MYO1D: variants seen among roughly 807,000 people sequenced by gnomAD.
MYO1D encodes myosin ID.
Under a neutral mutation model 122.0 loss-of-function variants are expected in MYO1D, and 83 were observed. The ratio of observed to expected loss-of-function variants is 0.68; its 90% CI spans 0.57 to 0.82. The LOEUF (loss-of-function observed/expected upper bound fraction) is 0.82, where lower values mean the gene tolerates loss of function less well. Among genes scored for constraint, MYO1D ranks in the 40% least tolerant of loss-of-function variants. The probability of loss-of-function intolerance (pLI) is 0.00; values close to 1 mark genes in which losing one functional copy is unlikely to be tolerated. For synonymous variants in MYO1D, 464 were observed against 446.9 expected, an observed-to-expected ratio of 1.04 and a Z score of -0.48; for missense variants, 1,157 against 1,269.5, an observed-to-expected ratio of 0.91 and a Z score of 1.35.
chr17:32,600,851 C>A (rs1441938007), intron 21 of MYO1D, among the ~76,000 whole-genome samples: 2 of 152,164 alleles, frequency 1.3e-5, no homozygotes, highest in African/African-American at 2.4e-5. Flanking sequence ...CCTTTGCATT[C>A]ACAACTGGGC....
intron 21 of MYO1D, among the ~76,000 whole-genome samples, chr17:32,597,976 GA>G (rs757577361): frequency 3.9e-5 from 6 of 151,918 alleles, no homozygotes; most frequent in African/African-American, 4.8e-5. Context: ...CTCTTATTTG[GA>G]AATGGTTTTA....
chr17:32,679,141 T>C (rs1300538300), intron 16 of MYO1D, among the ~76,000 whole-genome samples: 3 of 152,134 alleles, frequency 2.0e-5, no homozygotes, highest in Non-Finnish European at 4.4e-5. Context: ...TTGAGTTCAA[T>C]GTAGATTCTG....
At chr17:32,697,545 G>A (rs1449977685) in intron 16 of MYO1D, among the ~76,000 whole-genome samples, 24 of 151,688 alleles carry the variant, frequency 1.6e-4, no homozygotes, top group Admixed American at 1.2e-3. Context: ...TTTCTTGGTC[G>A]CTTTGTAAAT....
chr17:32,710,328 G>A (rs1390628195), intron 16 of MYO1D, among the ~76,000 whole-genome samples: 1 of 152,140 alleles, frequency 6.6e-6, no homozygotes, highest in Non-Finnish European at 1.5e-5. Context: ...AAGTGGCACT[G>A]CAAATCAATG....
intron 21 of MYO1D, among the ~76,000 whole-genome samples, chr17:32,579,150 C>A (rs904761238): frequency 6.6e-6 from 1 of 152,264 alleles, no homozygotes; most frequent in Non-Finnish European, 1.5e-5. Flanking sequence ...CTCACTACAG[C>A]CTCAGCCTCC....
At chr17:32,788,948 C>T (rs975211269) in intron 1 of MYO1D, among the ~76,000 whole-genome samples, 3 of 152,076 alleles carry the variant, frequency 2.0e-5, no homozygotes, top group African/African-American at 7.2e-5. Context: ...TTGTAGTTTT[C>T]CTTGCAATCT....
intron 1 of MYO1D, among the ~76,000 whole-genome samples, chr17:32,824,066 C>CAAAAAAAAA (rs58786179): frequency 1.1e-5 from 1 of 92,528 alleles, no homozygotes; most frequent in African/African-American, 4.3e-5. Flanking sequence ...GACTCCGTCT[C>CAAAAAAAAA]AAAAAAAAAA....
chr17:32,794,968 C>G (rs1051961672), intron 1 of MYO1D, among the ~76,000 whole-genome samples: 2 of 152,032 alleles, frequency 1.3e-5, no homozygotes, highest in Admixed American at 1.3e-4. Flanking sequence ...AGTAGAGAGA[C>G]AGAGAAGTAG....
intron 17 of MYO1D, chr17:32,658,872 T>C: frequency 2.0e-6 from 1 of 509,132 alleles, no homozygotes; most frequent in Non-Finnish European, 3.5e-6. Flanking sequence ...CTATGGCTTG[T>C]GTCCAGGGGT....
chr17:32,723,645 C>T (rs2089538056), intron 14 of MYO1D, among the ~76,000 whole-genome samples: 1 of 152,028 alleles, frequency 6.6e-6, no homozygotes, highest in South Asian at 2.1e-4. Flanking sequence ...GTCTGCCTGC[C>T]CTCTTGGACC....
intron 12 of MYO1D, among the ~76,000 whole-genome samples, chr17:32,746,401 A>G (rs995970223): frequency 3.3e-5 from 5 of 152,158 alleles, no homozygotes; most frequent in African/African-American, 1.2e-4. Flanking sequence ...TTCTTCCTAT[A>G]AGAATAATTC....
chr17:32,610,239 A>T (rs2087683492), intron 20 of MYO1D, among the ~76,000 whole-genome samples: 1 of 151,792 alleles, frequency 6.6e-6, no homozygotes, highest in Non-Finnish European at 1.5e-5. Context: ...ACCCCCTCTC[A>T]GCGGGTGGGC....
Position 32,765,030 on chromosome 17 carries a change from T to C in MYO1D, c.883A>G (p.Lys295Glu). Residue 295 changes from lysine (K) to glutamate (E), a missense_variant, in exon 8 of 22, where the codon AAA (lysine) becomes GAA (glutamate). By Grantham distance (56) the Lys-to-Glu change is moderately conservative. Coordinates refer to ENST00000318217, the MANE Select transcript of MYO1D (RefSeq NM_015194.3). Reference sequence around the variant, plus strand: ...AATTCTGCTATGATAGATACTACTTTGCCATTCTCAATAAGAGGCGTGTCA... The same window carrying C: ...AATTCTGCTATGATAGATACTACTTCGCCATTCTCAATAAGAGGCGTGTCA... The part of the protein sequence containing the change: ...DGDTPLIENG[K>E]VVSIIAELLS... 1 of 1,614,102 alleles carries C rather than the reference T, an allele frequency of 6.2e-7. No homozygotes were observed.
intron 6 of MYO1D, among the ~76,000 whole-genome samples, chr17:32,768,228 G>C (rs1287344903): frequency 1.3e-5 from 2 of 152,218 alleles, no homozygotes; most frequent in Non-Finnish European, 2.9e-5. Flanking sequence ...GGTGAGGCAA[G>C]GCGGGCCCTC....
chr17:32,749,174 A>T (rs2543976), intron 11 of MYO1D, among the ~76,000 whole-genome samples, 168 bp from the exon 12 acceptor site: 2 of 152,242 alleles, frequency 1.3e-5, no homozygotes, highest in East Asian at 3.8e-4. Flanking sequence ...AACTTTCACT[A>T]GAAATCCACA....
At chr17:32,577,883 C>T (rs1170103177) in intron 21 of MYO1D, among the ~76,000 whole-genome samples, 1 of 152,088 alleles carries the variant, frequency 6.6e-6, no homozygotes, top group Non-Finnish European at 1.5e-5. Flanking sequence ...GGACTACAGG[C>T]ACCCGCCACC....
intron 14 of MYO1D, chr17:32,734,610 T>A (rs894500219): frequency 2.0e-5 from 3 of 152,252 alleles, no homozygotes; most frequent in Admixed American, 2.0e-4. Flanking sequence ...TTTTTTGTCA[T>A]GCACTTCCTA....
In MYO1D at chr17:32,780,558, G is replaced by C; in HGVS notation, c.304+18C>G. ...ACACATTGTGACTTTGGAAATACAG[G>C]GGATCCCCTCCAATTACCTGATATC... On this transcript the variant is annotated intron_variant, in intron 2 of 21. Transcript: ENST00000318217. 6.2e-7 allele frequency: 1 copy of C among 1,609,380 alleles called. No homozygotes were observed. The highest frequency in any genetic ancestry group is 8.5e-7 in the Non-Finnish European group (1 of 1,176,554).
chr17:32,616,571 T>C (rs993696747), intron 20 of MYO1D, among the ~76,000 whole-genome samples: 11 of 152,012 alleles, frequency 7.2e-5, no homozygotes, highest in African/African-American at 2.7e-4. Context: ...CCTCCTGCCT[T>C]GGCGTCCTTA....
Sources: allele counts gnomAD v4.1 joint callset (sites outside exome capture counted in the v4.1 genomes callset), GRCh38; gene constraint gnomAD v4.1.1; transcripts MANE v1.5; gene names NCBI Gene and HGNC (gene_info 2026-07-23, HGNC 2026-07-21).